ASTN1: variants seen among roughly 807,000 people sequenced by gnomAD.
ASTN1 encodes astrotactin 1.
In ASTN1, 41 loss-of-function variants were observed where a neutral mutation model predicts 140.7. The ratio of observed to expected loss-of-function variants is 0.29; its 90% CI spans 0.23 to 0.38. The LOEUF is 0.38. ASTN1 is among the 10% of genes least tolerant of loss of function. The pLI is 1.00. For synonymous variants in ASTN1, 640 were observed against 652.2 expected, an observed-to-expected ratio of 0.98 and a Z score of 0.29; for missense variants, 1,479 against 1,678.8, an observed-to-expected ratio of 0.88 and a Z score of 2.08.
At chr1:177,149,449 A>G (rs1325192856) in intron 1 of ASTN1, among the ~76,000 whole-genome samples, 2 of 79,398 alleles carry the variant, frequency 2.5e-5, no homozygotes, top group Non-Finnish European at 4.0e-5. Flanking sequence ...TATATAGTAT[A>G]TATATAGTAA....
intron 5 of ASTN1, among the ~76,000 whole-genome samples, chr1:177,026,841 ACCTGTTCC>A (rs1676141296): frequency 1.3e-5 from 2 of 152,020 alleles, no homozygotes; most frequent in Admixed American, 1.3e-4. Context: ...GAAGCCATCC[ACCTGTTCC>A]CCTGCCTCAA....
intron 1 of ASTN1, among the ~76,000 whole-genome samples, chr1:177,114,700 A>G (rs1053015611): frequency 2.0e-5 from 3 of 152,136 alleles, no homozygotes; most frequent in African/African-American, 4.8e-5. Context: ...ATGCAATTTT[A>G]TCACATGTGT....
Position 176,863,219 on chromosome 1 carries a change from T to C in ASTN1, c.*1065A>G. 4 of 985,902 alleles carry C rather than the reference T, an allele frequency of 4.1e-6. No homozygotes were observed. Among genetic ancestry groups the C allele is most frequent in the Non-Finnish European group, 4.8e-6 (4 of 829,934 alleles). The allele number at this position is 985,902 out of a possible 1,614,324, so 61.1% of individuals were successfully genotyped here. On this transcript the variant is annotated 3_prime_UTR_variant, in exon 23 of 23. Transcript: ENST00000361833. ...TCATCAGAGAAACGATTTGCAAAACTAGCAACACAAGCAAATTTAGCAAGG... is the reference window on the plus strand; with the variant it reads ...TCATCAGAGAAACGATTTGCAAAACCAGCAACACAAGCAAATTTAGCAAGG...
intron 8 of ASTN1, among the ~76,000 whole-genome samples, chr1:176,985,946 G>A (rs1673884461): frequency 6.7e-6 from 1 of 149,104 alleles, no homozygotes; most frequent in African/African-American, 2.5e-5. Flanking sequence ...GCCAGCACCA[G>A]CATTCAGGCT....
At chr1:177,135,108 G>T (rs1363415731) in intron 1 of ASTN1, among the ~76,000 whole-genome samples, 1 of 152,070 alleles carries the variant, frequency 6.6e-6, no homozygotes, top group Non-Finnish European at 1.5e-5. Context: ...TGTGCTTACT[G>T]CCATGGGACG....
intron 8 of ASTN1, among the ~76,000 whole-genome samples, chr1:176,965,965 T>C (rs569295360): frequency 6.6e-6 from 1 of 152,180 alleles, no homozygotes; most frequent in Non-Finnish European, 1.5e-5. Context: ...GTCACATGTA[T>C]TAGAAAGTAA....
intron 8 of ASTN1, among the ~76,000 whole-genome samples, chr1:177,008,423 T>G (rs1186211936): frequency 0.016 from 1,148 of 73,312 alleles, no homozygotes; most frequent in African/African-American, 0.022. Flanking sequence ...GAAGGGGGGG[T>G]GGAGAGGAAG....
chr1:177,131,302 G>T (rs557260872), intron 1 of ASTN1, among the ~76,000 whole-genome samples: 2 of 152,150 alleles, frequency 1.3e-5, no homozygotes, highest in Non-Finnish European at 2.9e-5. Context: ...AATACAAAAA[G>T]AACTCTGTTA....
At chr1:176,909,059 A>G (rs1217272932) in intron 16 of ASTN1, among the ~76,000 whole-genome samples, 1 of 152,148 alleles carries the variant, frequency 6.6e-6, no homozygotes. Context: ...GGATTAGGAA[A>G]GTCTCCACCA....
rs113780374 is a variant in ASTN1 at position 177,113,865 on chromosome 1, G to C, written c.283+50529C>G. ...GTCTCCCACAGAAACCTAAGAGAAAGAGTTCAATTTTAAAAGACATATGTC... is the reference window on the plus strand; with the variant it reads ...GTCTCCCACAGAAACCTAAGAGAAACAGTTCAATTTTAAAAGACATATGTC... On this transcript the variant is annotated intron_variant, in intron 1 of 22. Coordinates refer to ENST00000361833, the MANE Select transcript of ASTN1 (RefSeq NM_004319.3). Among the ~76,000 whole-genome samples the C allele has an allele frequency of 2.3e-3, 350 of 152,328 alleles. 2 individuals are homozygous for C. The highest frequency in any genetic ancestry group is 8.2e-3 in the African/African-American group (342 of 41,584).
chr1:177,086,284 T>TAA (rs5778928), intron 1 of ASTN1, among the ~76,000 whole-genome samples: 1 of 150,728 alleles, frequency 6.6e-6, no homozygotes, highest in Non-Finnish European at 1.5e-5. Flanking sequence ...TGAATCCATT[T>TAA]AAAAAACTCC....
chr1:177,132,096 G>C (rs1374398285), intron 1 of ASTN1, among the ~76,000 whole-genome samples: 8 of 152,078 alleles, frequency 5.3e-5, no homozygotes, highest in Admixed American at 5.2e-4. Flanking sequence ...TGGTTGGTAA[G>C]GTTATTAGTG....
chr1:177,031,209 A>G (rs535028732), intron 3 of ASTN1, among the ~76,000 whole-genome samples: 1 of 152,326 alleles, frequency 6.6e-6, no homozygotes, highest in Admixed American at 6.5e-5. Context: ...ATGTATTATA[A>G]TATTCTGTAT....
chr1:176,936,125 T>C (rs1377646030), intron 15 of ASTN1, 141 bp downstream of exon 15: 7 of 750,708 alleles, frequency 9.3e-6, no homozygotes, highest in Non-Finnish European at 1.6e-5. Context: ...TCTGGATAAA[T>C]CTGAGTAAAT....
chr1:177,103,808 A>G (rs1680414578), intron 1 of ASTN1, among the ~76,000 whole-genome samples: 1 of 152,138 alleles, frequency 6.6e-6, no homozygotes, highest in African/African-American at 2.4e-5. Context: ...TAAAGTGACA[A>G]AGTAACTTGC....
At chr1:177,075,971 C>G (rs901655040) in intron 1 of ASTN1, among the ~76,000 whole-genome samples, 2 of 152,008 alleles carry the variant, frequency 1.3e-5, no homozygotes, top group Non-Finnish European at 2.9e-5. Context: ...GAGAGATCCT[C>G]AAACTGCAAT....
intron 16 of ASTN1, among the ~76,000 whole-genome samples, chr1:176,931,296 G>C (rs140592700): frequency 6.6e-6 from 1 of 151,980 alleles, no homozygotes; most frequent in Non-Finnish European, 1.5e-5. Flanking sequence ...GAGAAACCCC[G>C]TCTCTACTTA....
intron 8 of ASTN1, among the ~76,000 whole-genome samples, chr1:177,003,125 C>T (rs1236730854): frequency 6.6e-6 from 1 of 152,116 alleles, no homozygotes; most frequent in Non-Finnish European, 1.5e-5. Flanking sequence ...AGAATCCTCT[C>T]TAACTCATTC....
intron 9 of ASTN1, among the ~76,000 whole-genome samples, chr1:176,960,398 T>C (rs571369716): frequency 2.8e-4 from 42 of 152,342 alleles, no homozygotes; most frequent in Non-Finnish European, 5.6e-4. Context: ...TCTGCATTGA[T>C]GCAGAGCAAC....
Sources: allele counts gnomAD v4.1 joint callset (sites outside exome capture counted in the v4.1 genomes callset), GRCh38; gene constraint gnomAD v4.1.1; transcripts MANE v1.5; gene names NCBI Gene and HGNC (gene_info 2026-07-23, HGNC 2026-07-21).